Variants in MICU3 observed in about 807,000 individuals in gnomAD.
MICU3 encodes the protein mitochondrial calcium uptake 3.
A neutral mutation model predicts 66.5 loss-of-function variants in MICU3; 62 were observed. The ratio of observed to expected loss-of-function variants is 0.93; its 90% confidence interval spans 0.76 to 1.15. The LOEUF is 1.15. MICU3 is among the 50% of genes most tolerant of loss of function. The pLI is 0.00. For synonymous variants in MICU3, 308 were observed against 240.7 expected (o/e 1.28, Z -2.59); for missense variants, 779 against 664.4 (o/e 1.17, Z -1.90).
chr8:17,027,405 C>T lies in MICU3; in HGVS notation c.126C>T (p.Pro42=). The change falls in exon 1 of 15, where the codon CCC becomes CCT. Residue 42 remains proline (P), a synonymous_variant. Transcript: ENST00000318063. ...CCACCCTGGGCCTTCCTGGCCGGCC[C>T]TTCTCCTCCCGAGAGGATGAGGAGA... ...AVTTLGLPGR[P]FSSREDEERA... is the part of the protein sequence containing the mutation. The T allele has an allele frequency of 1.4e-6, 2 of 1,421,756 alleles. No homozygotes were observed. Among genetic ancestry groups the T allele is most frequent in the South Asian group, 1.7e-5 (1 of 60,322 alleles). 88.1% of individuals were successfully genotyped at this position (1,421,756 alleles called of 1,614,324 possible). A position where few individuals can be genotyped will look rare whatever the true frequency, so the allele number is the denominator to read the frequency against.
At chr8:17,075,339 C>T (rs1161630546) in intron 3 of MICU3, among the ~76,000 whole-genome samples, 2 of 152,184 alleles carry the variant, frequency 1.3e-5, no homozygotes, top group East Asian at 3.9e-4. Flanking sequence ...CCTCTCTCTT[C>T]TCCCCAGAGG....
At chr8:17,035,817 G>A (rs1021442868) in intron 1 of MICU3, among the ~76,000 whole-genome samples, 1 of 152,166 alleles carries the variant, frequency 6.6e-6, no homozygotes, top group South Asian at 2.1e-4. Flanking sequence ...CATTTTCTCA[G>A]GAGAAATTCA....
chr8:17,037,511 G>A (rs191480888), intron 1 of MICU3, among the ~76,000 whole-genome samples: 32 of 152,360 alleles, frequency 2.1e-4, no homozygotes, highest in African/African-American at 7.2e-4. Context: ...TCCATGTGGT[G>A]TATGGAAACG....
intron 3 of MICU3, among the ~76,000 whole-genome samples, chr8:17,070,835 A>G (rs1222700112): frequency 6.6e-6 from 1 of 152,030 alleles, no homozygotes; most frequent in Non-Finnish European, 1.5e-5. Flanking sequence ...GAATGCTGAA[A>G]ATTTGGAAAG....
intron 7 of MICU3, among the ~76,000 whole-genome samples, chr8:17,089,799 A>G (rs895910275): frequency 6.6e-6 from 1 of 152,098 alleles, no homozygotes; most frequent in Non-Finnish European, 1.5e-5. Flanking sequence ...TGTAATAAAC[A>G]CTCAAAAAGG....
At chr8:17,028,342 A>G (rs1014380867) in intron 1 of MICU3, among the ~76,000 whole-genome samples, 1 of 152,234 alleles carries the variant, frequency 6.6e-6, no homozygotes, top group Non-Finnish European at 1.5e-5. Flanking sequence ...TGTGAATGAC[A>G]CAAACTCCTA....
At chr8:17,055,937 C>T (rs1273453258) in intron 1 of MICU3, among the ~76,000 whole-genome samples, 1 of 152,186 alleles carries the variant, frequency 6.6e-6, no homozygotes, top group African/African-American at 2.4e-5. Flanking sequence ...TAACTGTCAG[C>T]TAGACATGTC....
chr8:17,068,683 T>C (rs1819082624), intron 2 of MICU3, among the ~76,000 whole-genome samples: 1 of 152,224 alleles, frequency 6.6e-6, no homozygotes, highest in South Asian at 2.1e-4. Context: ...CTTAGAAACA[T>C]ATTTCTTCTC....
intron 1 of MICU3, among the ~76,000 whole-genome samples, chr8:17,035,611 G>C (rs1489405723): frequency 1.3e-5 from 2 of 152,214 alleles, no homozygotes; most frequent in Non-Finnish European, 2.9e-5. Flanking sequence ...ACTTGAGAGA[G>C]ATAATTTTGG....
At chr8:17,081,643 G>A (rs921513941) in intron 4 of MICU3, 50 bp from the exon 5 acceptor site, 2 of 509,448 alleles carry the variant, frequency 3.9e-6, no homozygotes, top group Admixed American at 4.5e-5. Flanking sequence ...AGCATTTATT[G>A]CTTCTAGAAC....
intron 1 of MICU3, among the ~76,000 whole-genome samples, chr8:17,042,979 G>T (rs1207148769): frequency 8.9e-6 from 1 of 112,662 alleles, no homozygotes; most frequent in Non-Finnish European, 1.6e-5. Flanking sequence ...TCACTCTTTC[G>T]CCCAAGCTGG....
intron 1 of MICU3, among the ~76,000 whole-genome samples, chr8:17,051,081 G>C (rs1262905351): frequency 6.6e-6 from 1 of 152,044 alleles, no homozygotes; most frequent in South Asian, 2.1e-4. Flanking sequence ...TCTGAAACTT[G>C]AGGAAAAATC....
At chr8:17,097,441 C>T (rs1287244928) in intron 8 of MICU3, among the ~76,000 whole-genome samples, 3 of 151,720 alleles carry the variant, frequency 2.0e-5, no homozygotes, top group African/African-American at 7.2e-5. Flanking sequence ...ACTTTATTTA[C>T]ATTTTATTAA....
At chr8:17,063,585 TTCTAA>T (rs1818204888) in intron 1 of MICU3, among the ~76,000 whole-genome samples, 3 of 152,318 alleles carry the variant, frequency 2.0e-5, no homozygotes, top group African/African-American at 7.2e-5. Context: ...GCAATTTCAC[TTCTAA>T]TCTAAATATT....
intron 1 of MICU3, 74 bp downstream of exon 1, chr8:17,027,734 C>T: frequency 7.2e-6 from 9 of 1,252,774 alleles, no homozygotes; most frequent in Non-Finnish European, 8.0e-6. Context: ...ACCCTGGAGG[C>T]TGTGGGGACG....
downstream of MICU3, among the ~76,000 whole-genome samples, chr8:17,126,972 A>G (rs918501938): frequency 5.9e-5 from 9 of 152,176 alleles, no homozygotes; most frequent in Non-Finnish European, 1.2e-4. Context: ...CTTGATTATT[A>G]ATCTAATTCA....
chr8:17,079,027 C>T (rs910803286), intron 4 of MICU3, among the ~76,000 whole-genome samples: 102 of 152,004 alleles, frequency 6.7e-4, no homozygotes, highest in Non-Finnish European at 5.9e-5. Context: ...CAAATTGGAT[C>T]AAATATAATC....
intron 13 of MICU3, among the ~76,000 whole-genome samples, chr8:17,117,607 CTTT>C (rs1244315510): frequency 1.2e-4 from 16 of 129,426 alleles, no homozygotes; most frequent in Admixed American, 3.2e-4. Flanking sequence ...AAGTTTTATC[CTTT>C]TTTTTTTTTT....
At position 17,120,591 on chromosome 8, in the gene MICU3, G is replaced by A. The variant is rs1248619617; in HGVS notation, c.*304G>A. The A allele has an allele frequency of 6.6e-6, 1 of 152,290 alleles. No homozygotes were observed. Among genetic ancestry groups the A allele is most frequent in the Non-Finnish European group, 1.5e-5 (1 of 67,900 alleles). The allele number at this position is 152,290 out of a possible 1,614,324, so 9.4% of individuals were successfully genotyped here. A position where few individuals can be genotyped will look rare whatever the true frequency, so the allele number is the denominator to read the frequency against. On this transcript the variant is annotated 3_prime_UTR_variant, in exon 15 of 15. Transcript: ENST00000318063. ...ATACTTCCGGTGACTACATATGAAT[G>A]TACTTTCAATATTATTTTTTTATTT...
Sources: allele counts gnomAD v4.1 joint callset (sites outside exome capture counted in the v4.1 genomes callset), GRCh38; gene constraint gnomAD v4.1.1; transcripts MANE v1.5; gene names NCBI Gene and HGNC (gene_info 2026-07-23, HGNC 2026-07-21).